The following NR1H4 variants were observed in gnomAD, a reference collection of about 807,000 sequenced individuals.
The protein encoded by NR1H4 is nuclear receptor subfamily 1 group H member 4, also known as bile acid receptor.
A neutral mutation model predicts 58.5 loss-of-function variants in NR1H4; 23 were observed. That is an observed-to-expected ratio of 0.39 (90% confidence interval 0.28 to 0.56). NR1H4 has a LOEUF of 0.56. Ranked by LOEUF, NR1H4 falls within the 20% of genes least tolerant of loss-of-function variation. The pLI, the probability that NR1H4 is intolerant of heterozygous loss-of-function variation, is 0.58. For synonymous variants in NR1H4, 214 were observed against 198.0 expected (o/e 1.08, Z -0.68); for missense variants, 487 against 576.9 (o/e 0.84, Z 1.60).
chr12:100,504,575 A>G (rs542497279), intron 3 of NR1H4, among the ~76,000 whole-genome samples: 14 of 152,224 alleles, frequency 9.2e-5, no homozygotes, highest in Admixed American at 2.0e-4. Context: ...ACTAATCACA[A>G]CAATCACAAA....
intron 3 of NR1H4, among the ~76,000 whole-genome samples, chr12:100,501,177 A>G (rs1953825878): frequency 6.6e-6 from 1 of 151,610 alleles, no homozygotes; most frequent in South Asian, 2.1e-4. Flanking sequence ...AGGTCCATTT[A>G]TTTTGGCCAG....
chr12:100,483,666 A>C (rs142105915), intron 1 of NR1H4, among the ~76,000 whole-genome samples: 1 of 152,272 alleles, frequency 6.6e-6, no homozygotes, highest in African/African-American at 2.4e-5. Flanking sequence ...CTTTTCCTAG[A>C]GCTCTTTTCT....
chr12:100,531,480 T>G (rs1470560466), intron 4 of NR1H4, among the ~76,000 whole-genome samples: 1 of 152,060 alleles, frequency 6.6e-6, no homozygotes, highest in Non-Finnish European at 1.5e-5. Context: ...AAAGTTCAGA[T>G]GAAAGTATCC....
chr12:100,547,393 C>G (rs560155696), intron 9 of NR1H4, among the ~76,000 whole-genome samples: 3 of 152,082 alleles, frequency 2.0e-5, no homozygotes, highest in Non-Finnish European at 4.4e-5. Context: ...GGCTCCCTAC[C>G]ATTTTGGTAA....
chr12:100,527,391 G>A (rs1048384362), intron 4 of NR1H4, among the ~76,000 whole-genome samples: 4 of 152,106 alleles, frequency 2.6e-5, no homozygotes, highest in African/African-American at 4.8e-5. Flanking sequence ...TTAATAGCTG[G>A]GCATGGTGGG....
chr12:100,515,691 A>G (rs555547794), intron 4 of NR1H4, among the ~76,000 whole-genome samples: 5 of 152,338 alleles, frequency 3.3e-5, no homozygotes, highest in African/African-American at 1.2e-4. Context: ...TCAAAACTCA[A>G]TAGATGTCTA....
At chr12:100,502,320 A>G (rs1471402511) in intron 3 of NR1H4, among the ~76,000 whole-genome samples, 2 of 152,160 alleles carry the variant, frequency 1.3e-5, no homozygotes, top group Admixed American at 1.3e-4. Context: ...AACCACAGAA[A>G]TTATCCCATA....
chr12:100,551,542 G>T (rs1187183173), intron 9 of NR1H4, among the ~76,000 whole-genome samples: 1 of 152,222 alleles, frequency 6.6e-6, no homozygotes, highest in Non-Finnish European at 1.5e-5. Flanking sequence ...GCTTTTGAAA[G>T]TGGTCACATG....
At chr12:100,541,806 AGGCT>A (rs1218466687) in intron 9 of NR1H4, among the ~76,000 whole-genome samples, 1 of 151,520 alleles carries the variant, frequency 6.6e-6, no homozygotes, top group Admixed American at 6.6e-5. Context: ...CATGTTGGCC[AGGCT>A]GGTCTTGGAC....
chr12:100,516,653 A>G (rs1954275029), intron 4 of NR1H4, among the ~76,000 whole-genome samples: 1 of 152,180 alleles, frequency 6.6e-6, no homozygotes, highest in South Asian at 2.1e-4. Context: ...GGCGTGAGCC[A>G]CCGTGCCCGG....
At chr12:100,560,523 A>G (rs948681392) in intron 9 of NR1H4, among the ~76,000 whole-genome samples, 2 of 152,180 alleles carry the variant, frequency 1.3e-5, no homozygotes, top group Non-Finnish European at 2.9e-5. Flanking sequence ...AAAGGTCTGC[A>G]GCTTCACTCC....
At chr12:100,506,960 C>G (rs1052331110) in intron 3 of NR1H4, among the ~76,000 whole-genome samples, 2 of 152,144 alleles carry the variant, frequency 1.3e-5, no homozygotes, top group African/African-American at 4.8e-5. Context: ...ATATTATTAT[C>G]TGACTTGACT....
intron 9 of NR1H4, among the ~76,000 whole-genome samples, chr12:100,546,023 G>A (rs927017499): frequency 1.3e-5 from 2 of 152,046 alleles, no homozygotes; most frequent in Non-Finnish European, 2.9e-5. Flanking sequence ...GACCTAGTCC[G>A]AGCTGCCCAC....
intron 9 of NR1H4, among the ~76,000 whole-genome samples, chr12:100,550,855 T>C (rs1252002021): frequency 1.3e-5 from 2 of 152,186 alleles, no homozygotes; most frequent in Non-Finnish European, 2.9e-5. Flanking sequence ...ATATATCTCA[T>C]GTTTTGCAAT....
rs2136333740 is a variant in NR1H4, at chr12:100,563,678, T to C, written c.*189T>C. On this transcript the variant is annotated 3_prime_UTR_variant, in exon 11 of 11. Transcript: ENST00000392986. ...ATAGAACAACTTTCTCTACATTGTG[T>C]TTTAAAAGGCTCCAGGGAATCCTGC... is the stretch of plus-strand genomic sequence containing the variant. The C allele has an allele frequency of 1.7e-6, 1 of 596,938 alleles. No homozygotes were observed. The highest frequency in any genetic ancestry group is 2.8e-5 in the East Asian group (1 of 35,898). 37.0% of individuals were successfully genotyped at this position (596,938 alleles called of 1,614,324 possible).
intron 3 of NR1H4, among the ~76,000 whole-genome samples, chr12:100,496,512 G>A (rs1192638278): frequency 6.6e-6 from 1 of 152,144 alleles, no homozygotes; most frequent in East Asian, 1.9e-4. Context: ...TTTAGGGGTG[G>A]ACAACTGCTT....
rs532544582 is a variant in NR1H4, at chr12:100,554,804, C to G, written c.1079-7081C>G. ...AGCAGGAAAACAGGAAAAGGCTGTC[C>G]CCTTCAGGATGATGTTAGTGTTACA... is the stretch of plus-strand genomic sequence containing the variant. On this transcript the variant is annotated intron_variant, in intron 9 of 10. Transcript: ENST00000392986. Among the ~76,000 whole-genome samples the G allele has an allele frequency of 3.9e-5, 6 of 152,176 alleles. No individual in the cohort carries two copies. The East Asian group carries it at 1.2e-3, about 29-fold the overall frequency.
Position 100,563,560 on chromosome 12 carries a change from T to C in NR1H4, c.*71T>C. 8.3e-7 allele frequency: 1 copy of C among 1,200,508 alleles called. No homozygotes were observed. Among genetic ancestry groups the C allele is most frequent in the Non-Finnish European group, 1.2e-6 (1 of 804,154 alleles). 74.4% of individuals were successfully genotyped at this position (1,200,508 alleles called of 1,614,324 possible). ...TAATCTGATGTATAACTTTCCTTTA[T>C]TTCACTTGTACCCAGTTTCACTCAA... On this transcript the variant is annotated 3_prime_UTR_variant, in exon 11 of 11. Transcript: ENST00000392986.
At chr12:100,545,774 G>A (rs542509347) in intron 9 of NR1H4, among the ~76,000 whole-genome samples, 1 of 150,668 alleles carries the variant, frequency 6.6e-6, no homozygotes, top group African/African-American at 2.4e-5. Flanking sequence ...ATCAGTGTTT[G>A]TGTGAGCTTT....
Sources: gnomAD v4.1 joint callset for allele counts (sites outside exome capture counted in the v4.1 genomes callset) on GRCh38, gnomAD v4.1.1 for gene constraint, MANE v1.5 for transcripts, NCBI Gene and HGNC (gene_info 2026-07-23, HGNC 2026-07-21) for gene names.